Variants in ARHGEF12 observed in about 807,000 individuals in gnomAD.
ARHGEF12 encodes KMT2A/ARHGEF12 fusion protein.
ARHGEF12 carries 66 observed loss-of-function variants against 211.2 expected under a neutral mutation model. The ratio of observed to expected loss-of-function variants is 0.31; its 90% CI spans 0.26 to 0.38. ARHGEF12 has a LOEUF of 0.38. Among genes scored for constraint, ARHGEF12 ranks in the 10% least tolerant of loss-of-function variants. The probability of loss-of-function intolerance (pLI) is 1.00; values close to 1 mark genes in which losing one functional copy is unlikely to be tolerated. For synonymous variants in ARHGEF12, 592 were observed against 638.4 expected, an observed-to-expected ratio of 0.93 and a Z score of 1.09; for missense variants, 1,429 against 1,869.5, an observed-to-expected ratio of 0.76 and a Z score of 4.34.
chr11:120,470,516 A>G (rs571173080), intron 30 of ARHGEF12, among the ~76,000 whole-genome samples: 1 of 152,346 alleles, frequency 6.6e-6, no homozygotes, highest in African/African-American at 2.4e-5. Context: ...CACAGTAAGC[A>G]GTTGGCTGTA....
intron 1 of ARHGEF12, among the ~76,000 whole-genome samples, chr11:120,400,867 T>C (rs1307156912): frequency 1.3e-5 from 2 of 152,118 alleles, no homozygotes; most frequent in Non-Finnish European, 2.9e-5. Context: ...AGAAGGTAAT[T>C]TGAGATTTTA....
chr11:120,353,205 G>T (rs371915265), intron 1 of ARHGEF12, among the ~76,000 whole-genome samples: 1 of 152,202 alleles, frequency 6.6e-6, no homozygotes, highest in Non-Finnish European at 1.5e-5. Context: ...AGCATACAGG[G>T]TCATCAATCT....
At position 120,478,267 on chromosome 11, in the gene ARHGEF12, T is replaced by C. The variant is rs760695531; in HGVS notation, c.3644T>C (p.Phe1215Ser). 6.2e-7 allele frequency: 1 copy of C among 1,614,184 alleles called. No individual in the cohort carries two copies. The highest frequency in any genetic ancestry group is 1.7e-5 in the Admixed American group (1 of 60,022). ...GATCTGTTTGTGGCTGAGAGACAGT[T>C]TGCAAAGGAACAACATACAGATGGG... ...VRDLFVAERQ[F>S]AKEQHTDGTL... The change falls in exon 37 of 41, where the codon TTT (phenylalanine) becomes TCT (serine). Residue 1215 changes from phenylalanine (F) to serine (S), a missense_variant. Around this residue, in one of 7 missense-constraint regions of ARHGEF12, gnomAD observed 467 missense variants for 468.4 expected, o/e 1.00. Transcript: ENST00000397843.
intron 1 of ARHGEF12, among the ~76,000 whole-genome samples, chr11:120,381,728 G>A (rs1338048772): frequency 2.0e-5 from 3 of 152,070 alleles, no homozygotes; most frequent in Non-Finnish European, 1.5e-5. Flanking sequence ...CAAATGCAAC[G>A]GGTCATGTAT....
chr11:120,436,388 A>G (rs369804648), intron 11 of ARHGEF12, among the ~76,000 whole-genome samples: 1 of 152,178 alleles, frequency 6.6e-6, no homozygotes, highest in East Asian at 1.9e-4. Context: ...TGCTATATGC[A>G]TAGGTAAAAT....
chr11:120,459,010 A>G, intron 25 of ARHGEF12, 164 bp from the exon 26 acceptor site: 1 of 564,914 alleles, frequency 1.8e-6, no homozygotes, highest in Non-Finnish European at 2.6e-6. Context: ...AGTATGTAGG[A>G]AAATTTCTTG....
chr11:120,348,784 C>T (rs553766546), intron 1 of ARHGEF12, among the ~76,000 whole-genome samples: 2 of 151,758 alleles, frequency 1.3e-5, no homozygotes, highest in Non-Finnish European at 2.9e-5. Flanking sequence ...GAGGTTCAAG[C>T]GAGCCAAGAT....
chr11:120,385,736 G>A (rs11607181), intron 1 of ARHGEF12, among the ~76,000 whole-genome samples: 2 of 152,248 alleles, frequency 1.3e-5, no homozygotes, highest in East Asian at 3.9e-4. Context: ...CTTAGCTTTA[G>A]AACAAAGGTT....
chr11:120,418,739 T>C (rs1945100089), intron 4 of ARHGEF12, among the ~76,000 whole-genome samples: 1 of 152,198 alleles, frequency 6.6e-6, no homozygotes, highest in Non-Finnish European at 1.5e-5. Context: ...TAGTGGTATC[T>C]CATTGTGGTT....
At chr11:120,360,968 T>C (rs973892644) in intron 1 of ARHGEF12, among the ~76,000 whole-genome samples, 28 of 152,224 alleles carry the variant, frequency 1.8e-4, no homozygotes, top group African/African-American at 6.0e-4. Flanking sequence ...CTACCTAAGA[T>C]GAGATTTTAA....
chr11:120,434,934 A>G (rs1333544803), intron 11 of ARHGEF12, among the ~76,000 whole-genome samples: 1 of 152,222 alleles, frequency 6.6e-6, no homozygotes, highest in East Asian at 1.9e-4. Flanking sequence ...TCCTCCAAAC[A>G]CCAGATTAAA....
In ARHGEF12 at chr11:120,484,300, A is replaced by G. The variant is rs182499198; in HGVS notation, c.4555-138A>G. On this transcript the variant is annotated intron_variant, in intron 39 of 40. Transcript: ENST00000397843. ...TTTTCTTCCCACTAATGAAATTTTTAATGATGAAGTTAATATTTTTGAAAT... is the reference window on the plus strand; with the variant it reads ...TTTTCTTCCCACTAATGAAATTTTTGATGATGAAGTTAATATTTTTGAAAT... 1.1e-3 allele frequency: 711 copies of G among 648,642 alleles called. 7 individuals are homozygous for G. In the Middle Eastern group the frequency reaches 0.028, roughly 26 times the overall value. 40.2% of individuals were successfully genotyped at this position (648,642 alleles called of 1,614,324 possible). A position where few individuals can be genotyped will look rare whatever the true frequency, so the allele number is the denominator to read the frequency against.
intron 2 of ARHGEF12, among the ~76,000 whole-genome samples, chr11:120,407,024 A>G (rs753922228): frequency 1.1e-4 from 17 of 152,258 alleles, no homozygotes; most frequent in Non-Finnish European, 4.4e-5. Flanking sequence ...AATATTATTT[A>G]AAATGTAGGT....
chr11:120,429,296 T>C, intron 8 of ARHGEF12, 144 bp from the exon 9 acceptor site: 1 of 581,402 alleles, frequency 1.7e-6, no homozygotes, highest in Non-Finnish European at 3.0e-6. Context: ...TGAAAGCCTG[T>C]CCACATAACC....
At chr11:120,437,268 G>A in intron 11 of ARHGEF12, 40 bp from the exon 12 acceptor site, 2 of 1,410,114 alleles carry the variant, frequency 1.4e-6, no homozygotes, top group Non-Finnish European at 9.8e-7. Context: ...CTTTTGGTGT[G>A]CCTATTGAAA....
At chr11:120,360,421 C>G (rs1052858810) in intron 1 of ARHGEF12, among the ~76,000 whole-genome samples, 1 of 152,106 alleles carries the variant, frequency 6.6e-6, no homozygotes, top group Non-Finnish European at 1.5e-5. Flanking sequence ...GAGACAAGGT[C>G]TCACTCTGTC....
chr11:120,382,599 C>T (rs1240358708), intron 1 of ARHGEF12, among the ~76,000 whole-genome samples: 6 of 152,298 alleles, frequency 3.9e-5, no homozygotes. Context: ...AGTGATTGTA[C>T]CAATTTATAG....
At chr11:120,387,508 G>T (rs1335778692) in intron 1 of ARHGEF12, among the ~76,000 whole-genome samples, 1 of 151,980 alleles carries the variant, frequency 6.6e-6, no homozygotes, top group Non-Finnish European at 1.5e-5. Flanking sequence ...AGATTCCCTG[G>T]GGGCCAAAAT....
intron 1 of ARHGEF12, among the ~76,000 whole-genome samples, chr11:120,394,868 G>A (rs987612460): frequency 4.6e-5 from 7 of 151,738 alleles, no homozygotes; most frequent in African/African-American, 1.7e-4. Flanking sequence ...GACCAGCCTG[G>A]CCAACATGGT....
Sources: gnomAD v4.1 joint callset for allele counts (sites outside exome capture counted in the v4.1 genomes callset) on GRCh38, gnomAD v4.1.1 for gene constraint, gnomAD v4.1.1 regional missense constraint, MANE v1.5 for transcripts, NCBI Gene and HGNC (gene_info 2026-07-23, HGNC 2026-07-21) for gene names.